Variants in WNK2 observed in about 807,000 individuals in gnomAD.
The protein encoded by WNK2 is serine/threonine-protein kinase WNK2.
In WNK2, 67 loss-of-function variants were observed where a neutral mutation model predicts 192.1. That is an observed-to-expected ratio of 0.35 (90% CI 0.29 to 0.43). WNK2 has a LOEUF of 0.43. WNK2 is among the 20% of genes least tolerant of loss of function. WNK2 has a pLI of 1.00. For synonymous variants in WNK2, 1,439 were observed against 1,393.9 expected, an observed-to-expected ratio of 1.03 and a Z score of -0.72; for missense variants, 2,698 against 3,089.7, an observed-to-expected ratio of 0.87 and a Z score of 3.01.
chr9:93,247,531 C>T lies in WNK2; in HGVS notation c.1543-12C>T. 6.2e-7 allele frequency: 1 copy of T among 1,607,670 alleles called. No individual in the cohort carries two copies. The highest frequency in any genetic ancestry group is 8.5e-7 in the Non-Finnish European group (1 of 1,177,396). ...ATCCCCAGCGATGCTGACAACATGA[C>T]TGCCTTTACAGATTGAGTCTGGATT... is the stretch of plus-strand genomic sequence containing the variant. On this transcript the variant is annotated splice_polypyrimidine_tract_variant and intron_variant, in intron 7 of 29. Transcript: ENST00000427277. The surrounding 1 kb of genome is among the most constrained non-coding windows in gnomAD (Gnocchi z 5.2).
intron 2 of WNK2, among the ~76,000 whole-genome samples, 175 bp downstream of exon 2, chr9:93,185,785 A>G (rs1426952762): frequency 6.6e-6 from 1 of 152,200 alleles, no homozygotes; most frequent in African/African-American, 2.4e-5. Context: ...TGCGGACGGC[A>G]TGTGGGGCCT....
chr9:93,317,778 G>A, intron 29 of WNK2, 147 bp downstream of exon 29: 7 of 1,469,764 alleles, frequency 4.8e-6, no homozygotes, highest in Non-Finnish European at 6.4e-6. Context: ...CACCCCCCAG[G>A]TGCCCGTGCT....
intron 7 of WNK2, among the ~76,000 whole-genome samples, chr9:93,245,101 G>GA (rs371811388): frequency 2.6e-5 from 4 of 151,944 alleles, no homozygotes; most frequent in Admixed American, 1.3e-4. Context: ...TCATTCTGTG[G>GA]AAAAAAATTG....
At chr9:93,194,256 T>C (rs1297210367) in intron 2 of WNK2, among the ~76,000 whole-genome samples, 1 of 152,218 alleles carries the variant, frequency 6.6e-6, no homozygotes. Flanking sequence ...TGAAAGACAC[T>C]GTCAAGACAA....
Position 93,259,190 on chromosome 9 carries a change from C to T in WNK2, c.2642C>T (p.Pro881Leu), listed in dbSNP as rs759690956. The change falls in exon 12 of 30, where the codon CCG becomes CTG. Residue 881 changes from proline to leucine, a missense_variant. By Grantham distance (98) the Pro-to-Leu change is moderately conservative. This residue lies in a region of WNK2 where 893 missense variants were observed against 909.0 expected (regional missense o/e 0.98). Transcript: ENST00000427277. This position sits in a 1 kb window ranked among gnomAD's most constrained non-coding sequence, Gnocchi z 4.8. Reference sequence around the variant, plus strand: ...TGCCGGACCATTGTGCCAAATGCACCGGCCACTATCCCCCTGCTGGCCGTA... The same window carrying T: ...TGCCGGACCATTGTGCCAAATGCACTGGCCACTATCCCCCTGCTGGCCGTA... ...MPCRTIVPNA[P>L]ATIPLLAVAP... The T allele has an allele frequency of 1.6e-5, 26 of 1,612,752 alleles. No homozygotes were observed. Among genetic ancestry groups the T allele is most frequent in the East Asian group, 2.2e-5 (1 of 44,864 alleles).
intron 29 of WNK2, chr9:93,319,499 A>ACTC: frequency 1.3e-6 from 1 of 746,142 alleles, no homozygotes; most frequent in Non-Finnish European, 1.6e-6. Flanking sequence ...GCTGCCCACC[A>ACTC]CTCTGCACCT....
chr9:93,309,278 A>C (rs1588623288), intron 28 of WNK2: 1 of 330,640 alleles, frequency 3.0e-6, no homozygotes, highest in South Asian at 1.2e-4. Flanking sequence ...TTATTTTTCA[A>C]ACAGAAGAGT....
At chr9:93,217,876 G>A (rs967727242) in intron 2 of WNK2, among the ~76,000 whole-genome samples, 3 of 152,350 alleles carry the variant, frequency 2.0e-5, no homozygotes, top group Middle Eastern at 6.8e-3. Flanking sequence ...GGCCTCTGGG[G>A]AGGAAAGGAA....
chr9:93,265,447 A>G (rs559480964), intron 16 of WNK2, among the ~76,000 whole-genome samples: 2 of 152,326 alleles, frequency 1.3e-5, no homozygotes, highest in African/African-American at 4.8e-5. Flanking sequence ...TGAAGACATG[A>G]TGGGGCCTAG....
chr9:93,249,542 C>G (rs1348403620), intron 8 of WNK2, among the ~76,000 whole-genome samples: 2 of 151,676 alleles, frequency 1.3e-5, no homozygotes, highest in Non-Finnish European at 2.9e-5. Flanking sequence ...GGCGCGATCT[C>G]GGCTCACTGC....
At chr9:93,290,270 G>C (rs1488277170) in intron 21 of WNK2, among the ~76,000 whole-genome samples, 1 of 151,922 alleles carries the variant, frequency 6.6e-6, no homozygotes, top group Non-Finnish European at 1.5e-5. Context: ...TGGCCCATGA[G>C]CTGCATGTGG....
chr9:93,280,596 G>A (rs1215645140), intron 19 of WNK2, among the ~76,000 whole-genome samples: 1 of 152,146 alleles, frequency 6.6e-6, no homozygotes, highest in East Asian at 1.9e-4. Context: ...CCTGGAAACG[G>A]CTTAGGTGTC....
chr9:93,260,103 G>A (rs1486492991), intron 12 of WNK2, among the ~76,000 whole-genome samples: 8 of 152,216 alleles, frequency 5.3e-5, no homozygotes, highest in African/African-American at 1.9e-4. Flanking sequence ...TGCAAGGGTG[G>A]TTATGGTGGG....
chr9:93,234,174 C>G (rs1317350225), intron 4 of WNK2, among the ~76,000 whole-genome samples: 1 of 152,166 alleles, frequency 6.6e-6, no homozygotes, highest in Non-Finnish European at 1.5e-5. Flanking sequence ...GTTTTTGCAT[C>G]TCTTGTGTTT....
rs768285898 is a variant in WNK2 at position 93,299,288 on chromosome 9, G to GC, written c.6115+28dup. ...TGATTTCCAGCTTGCCTGTCTCCGA[G>GC]CATGTGCTAGCCACGTAGGGCCTCA... On this transcript the variant is annotated intron_variant, in intron 25 of 29. Coordinates refer to ENST00000427277, the MANE Select transcript of WNK2 (RefSeq NM_006648.4). The GC allele has an allele frequency of 5.8e-6, 9 of 1,544,650 alleles. No homozygotes were observed. In the Admixed American group the frequency reaches 1.6e-4, roughly 28 times the overall value.
intron 14 of WNK2, 100 bp from the exon 15 acceptor site, chr9:93,263,466 C>T: frequency 6.8e-7 from 1 of 1,462,244 alleles, no homozygotes; most frequent in South Asian, 1.2e-5. Context: ...AGATTTGGGC[C>T]CTGGAGACTC....
intron 19 of WNK2, among the ~76,000 whole-genome samples, chr9:93,288,016 A>G (rs767572509): frequency 6.6e-6 from 1 of 152,192 alleles, no homozygotes; most frequent in Non-Finnish European, 1.5e-5. Context: ...ACTGCACTCC[A>G]GCCTGGGTGA....
intron 29 of WNK2, among the ~76,000 whole-genome samples, chr9:93,320,041 G>A (rs554330757): frequency 6.6e-5 from 10 of 152,326 alleles, no homozygotes; most frequent in Admixed American, 2.6e-4. Flanking sequence ...GGAGGGAGGA[G>A]GAACACTCAT....
intron 29 of WNK2, chr9:93,319,457 G>C: frequency 3.1e-6 from 3 of 970,458 alleles, no homozygotes; most frequent in Non-Finnish European, 3.7e-6. Context: ...CCCCGAGCAC[G>C]GTCAGCTCTG....
Sources: allele counts gnomAD v4.1 joint callset (sites outside exome capture counted in the v4.1 genomes callset), GRCh38; gene constraint gnomAD v4.1.1; regional missense constraint gnomAD v4.1.1; non-coding constraint Gnocchi (gnomAD v3.1); transcripts MANE v1.5; gene names NCBI Gene and HGNC (gene_info 2026-07-23, HGNC 2026-07-21).